Variants in CNTRL observed in about 807,000 individuals in gnomAD.
CNTRL encodes the protein centriolin, also known as 110 kDa centrosomal protein.
CNTRL carries 233 observed loss-of-function variants against 303.7 expected under a neutral mutation model. The ratio of observed to expected loss-of-function variants is 0.77; its 90% CI spans 0.69 to 0.86. The LOEUF (loss-of-function observed/expected upper bound fraction) is 0.86. Ranked by LOEUF, CNTRL falls within the 40% of genes least tolerant of loss-of-function variation. The pLI, the probability that CNTRL is intolerant of heterozygous loss-of-function variation, is 0.00. For synonymous variants in CNTRL, 900 were observed against 922.2 expected (o/e 0.98, Z 0.44); for missense variants, 2,524 against 2,650.6 (o/e 0.95, Z 1.05).
Position 121,113,665 on chromosome 9 carries a change from T to C in CNTRL, c.1286T>C (p.Leu429Ser). ...CAACTTAGAAATGATCACATGAACT[T>C]GAGAGGCCACACACCACTGGACACG... ...DEQLRNDHMN[L>S]RGHTPLDTQL... Residue 429 changes from leucine to serine, a missense_variant, in exon 10 of 44, where the codon TTG (leucine) becomes TCG (serine). Physicochemically the swap from Leu to Ser is moderately radical, Grantham distance 145 (BLOSUM62 -2). Coordinates refer to ENST00000373855, the MANE Select transcript of CNTRL (RefSeq NM_007018.6). The C allele has an allele frequency of 6.2e-7, 1 of 1,603,730 alleles. No homozygotes were observed. The highest frequency in any genetic ancestry group is 8.5e-7 in the Non-Finnish European group (1 of 1,176,450).
Position 121,175,218 on chromosome 9 carries a change from A to G in CNTRL, c.6948A>G (p.Gln2316=), listed in dbSNP as rs2053470667. The change falls in exon 43 of 44, where the codon CAA becomes CAG. Residue 2316 remains glutamine (Q), a synonymous_variant. Coordinates refer to ENST00000373855, the MANE Select transcript of CNTRL (RefSeq NM_007018.6). ...TCACAGAGGACTCTCAACTTGGACA[A>G]AATCAGGTAAGCAGCAGCTCTTTTT... The part of the protein sequence containing the change: ...SSLTEDSQLG[Q]NQEKNASAR 6.2e-7 allele frequency: 1 copy of G among 1,613,930 alleles called. No individual in the cohort carries two copies. Among genetic ancestry groups the G allele is most frequent in the African/African-American group, 1.3e-5 (1 of 75,034 alleles).
intron 42 of CNTRL, 145 bp downstream of exon 42, chr9:121,173,882 C>T (rs1183042124): frequency 2.3e-5 from 18 of 772,922 alleles, no homozygotes; most frequent in Admixed American, 5.9e-5. Flanking sequence ...TCTGAAGCTT[C>T]GAGGAGTTGG....
intron 14 of CNTRL, among the ~76,000 whole-genome samples, chr9:121,126,690 T>C (rs1206137085): frequency 6.6e-6 from 1 of 152,224 alleles, no homozygotes; most frequent in African/African-American, 2.4e-5. Flanking sequence ...ACCTCTATTC[T>C]TTTATTATAT....
rs773211965 is a variant in CNTRL at position 121,145,313 on chromosome 9, C to G, written c.3238C>G (p.Leu1080Val). 6.2e-7 allele frequency: 1 copy of G among 1,614,026 alleles called. No individual in the cohort carries two copies. Among genetic ancestry groups the G allele is most frequent in the Non-Finnish European group, 8.5e-7 (1 of 1,179,970 alleles). ...CTCACAGGTCCTAGAAATTGAGAAA[C>G]TGAATGAGACAATGGAACGACAAAG... ...ANSQVLEIEK[L>V]NETMERQRTE... The change falls in exon 22 of 44, where the codon CTG becomes GTG. Residue 1080 changes from leucine to valine, a missense_variant. By Grantham distance (32) the Leu-to-Val change is conservative. Transcript: ENST00000373855.
At chr9:121,106,429 G>A (rs2049477389) in intron 7 of CNTRL, among the ~76,000 whole-genome samples, 1 of 151,782 alleles carries the variant, frequency 6.6e-6, no homozygotes. Flanking sequence ...AATGAGATTA[G>A]AGAAAAAAAG....
At chr9:121,091,560 C>T (rs1173974063) in intron 4 of CNTRL, among the ~76,000 whole-genome samples, 3 of 152,014 alleles carry the variant, frequency 2.0e-5, no homozygotes, top group Non-Finnish European at 4.4e-5. Context: ...AGAAAAGCAG[C>T]AGCCGGGCGC....
chr9:121,085,000 C>T (rs1251606332), intron 2 of CNTRL, among the ~76,000 whole-genome samples: 2 of 152,100 alleles, frequency 1.3e-5, no homozygotes, highest in African/African-American at 4.8e-5. Context: ...TTAACAAATG[C>T]TTTAGTTCCT....
intron 12 of CNTRL, among the ~76,000 whole-genome samples, chr9:121,121,615 GGTAACT>G (rs2050226687): frequency 2.0e-5 from 3 of 152,190 alleles, no homozygotes; most frequent in African/African-American, 7.2e-5. Context: ...GGAAGCAAAA[GGTAACT>G]GTTCGCTAGA....
chr9:121,170,850 C>T (rs1332169280), intron 39 of CNTRL, among the ~76,000 whole-genome samples: 1 of 152,190 alleles, frequency 6.6e-6, no homozygotes, highest in Non-Finnish European at 1.5e-5. Flanking sequence ...AACCAGGAAG[C>T]TCAATCTACC....
At chr9:121,086,633 CTTTTTTTTTTTT>C (rs60828602) in intron 2 of CNTRL, among the ~76,000 whole-genome samples, 1 of 119,238 alleles carries the variant, frequency 8.4e-6, no homozygotes, top group Non-Finnish European at 1.7e-5. Context: ...GCTGGATTTA[CTTTTTTTTTTTT>C]TTTTTTTTTT....
At chr9:121,115,241 A>G in intron 11 of CNTRL, 41 bp downstream of exon 11, 6 of 1,151,340 alleles carry the variant, frequency 5.2e-6, no homozygotes, top group Non-Finnish European at 5.1e-6. Context: ...GGAAATGAAA[A>G]ATGAAATGTG....
chr9:121,113,161 G>A (rs1019110065), intron 9 of CNTRL, among the ~76,000 whole-genome samples: 1 of 151,962 alleles, frequency 6.6e-6, no homozygotes, highest in Non-Finnish European at 1.5e-5. Context: ...ATTTATATGA[G>A]CCAAGAAACC....
chr9:121,163,842 C>G (rs1053848385), intron 34 of CNTRL, among the ~76,000 whole-genome samples: 2 of 150,392 alleles, frequency 1.3e-5, no homozygotes, highest in Non-Finnish European at 3.0e-5. Context: ...ACAGCCATAC[C>G]AAATGTTAAT....
intron 11 of CNTRL, 55 bp from the exon 12 acceptor site, chr9:121,118,288 TTAA>T: frequency 7.8e-7 from 1 of 1,279,830 alleles, no homozygotes; most frequent in African/African-American, 1.5e-5. Flanking sequence ...AGACATTGTC[TTAA>T]TAAATCAGTG....
At chr9:121,137,799 T>C (rs2051278754) in intron 15 of CNTRL, among the ~76,000 whole-genome samples, 1 of 152,226 alleles carries the variant, frequency 6.6e-6, no homozygotes, top group Non-Finnish European at 1.5e-5. Flanking sequence ...AGCCAGACTG[T>C]ACTAGCTTGA....
intron 4 of CNTRL, among the ~76,000 whole-genome samples, chr9:121,091,564 C>CG (rs1395921003): frequency 2.6e-5 from 4 of 151,992 alleles, no homozygotes; most frequent in Admixed American, 2.0e-4. Context: ...AAGCAGCAGC[C>CG]GGGCGCAGTG....
intron 20 of CNTRL, among the ~76,000 whole-genome samples, chr9:121,144,634 T>A (rs1274575144): frequency 6.6e-6 from 1 of 152,204 alleles, no homozygotes; most frequent in Non-Finnish European, 1.5e-5. Context: ...TTAGCCTTTG[T>A]TCTTTCTGAT....
In CNTRL at chr9:121,113,742, T is replaced by C; in HGVS notation, c.1345+18T>C. ...AAGTGCAGGTTAAAAAAAGTTATTT[T>C]AAATTCTTTAAAAAAAAATATGAAA... On this transcript the variant is annotated intron_variant, in intron 10 of 43. Coordinates refer to ENST00000373855, the MANE Select transcript of CNTRL (RefSeq NM_007018.6). The C allele has an allele frequency of 6.9e-7, 1 of 1,443,162 alleles. No individual in the cohort carries two copies. Among genetic ancestry groups the C allele is most frequent in the Non-Finnish European group, 9.1e-7 (1 of 1,096,336 alleles). 89.4% of individuals were successfully genotyped at this position (1,443,162 alleles called of 1,614,324 possible).
At position 121,088,364 on chromosome 9, in the gene CNTRL, C is replaced by G; in HGVS notation, c.38C>G (p.Ala13Gly). Residue 13 changes from alanine to glycine, a missense_variant, in exon 3 of 44, where the codon GCA becomes GGA. Ala to Gly is a moderately conservative substitution (Grantham distance 60, BLOSUM62 0). Transcript: ENST00000373855. ...KGSQQKIFSK[A>G]KIPSSSHSPI... ...TCTCAACAAAAAATATTCTCCAAAG[C>G]AAAGATACCATCATCATCTCACTCT... 6.2e-7 allele frequency: 1 copy of G among 1,613,484 alleles called. No individual in the cohort carries two copies. The highest frequency in any genetic ancestry group is 2.2e-5 in the East Asian group (1 of 44,850).
Sources: allele counts gnomAD v4.1 joint callset (sites outside exome capture counted in the v4.1 genomes callset), GRCh38; gene constraint gnomAD v4.1.1; transcripts MANE v1.5; gene names NCBI Gene and HGNC (gene_info 2026-07-23, HGNC 2026-07-21).